The following TSPAN9 variants were observed in gnomAD, a reference collection of about 807,000 sequenced individuals.
TSPAN9 encodes the protein tetraspanin-9.
A neutral mutation model predicts 31.0 loss-of-function variants in TSPAN9; 16 were observed. The ratio of observed to expected loss-of-function variants is 0.52; its 90% CI spans 0.35 to 0.78. The LOEUF is 0.78. TSPAN9 is among the 30% of genes least tolerant of loss of function. TSPAN9 has a pLI of 0.01. For synonymous variants in TSPAN9, 145 were observed against 121.6 expected (o/e 1.19, Z -1.27); for missense variants, 272 against 312.5 (o/e 0.87, Z 0.98).
At chr12:3,209,312 G>A (rs2098377104) in intron 3 of TSPAN9, among the ~76,000 whole-genome samples, 1 of 152,152 alleles carries the variant, frequency 6.6e-6, no homozygotes, top group African/African-American at 2.4e-5. Flanking sequence ...CGTGGCCATA[G>A]TGCACACCTT....
At chr12:3,144,553 G>C (rs1195827989) in intron 2 of TSPAN9, among the ~76,000 whole-genome samples, 1 of 152,216 alleles carries the variant, frequency 6.6e-6, no homozygotes, top group African/African-American at 2.4e-5. Flanking sequence ...AGGCTGCAGA[G>C]GGAGCCTCTG....
intron 2 of TSPAN9, among the ~76,000 whole-genome samples, chr12:3,106,600 GTC>G (rs2098314806): frequency 1.3e-5 from 2 of 152,036 alleles, no homozygotes; most frequent in African/African-American, 4.8e-5. Context: ...TGAGAACCCT[GTC>G]TCTGCAAAAA....
At chr12:3,157,970 T>A (rs527970168) in intron 2 of TSPAN9, among the ~76,000 whole-genome samples, 81 of 152,194 alleles carry the variant, frequency 5.3e-4, no homozygotes, top group African/African-American at 1.9e-3. Flanking sequence ...CATTGTGTCT[T>A]TCTCCCCTTT....
chr12:3,283,128 G>GGGA lies in TSPAN9; in HGVS notation c.*14_*16dup. On this transcript the variant is annotated 3_prime_UTR_variant, in exon 9 of 9. Transcript: ENST00000011898. ...AGTACGACGCATGAGCGGGCTGGCC[G>GGGA]GGAGTGCCCACCCCGCCCTGCTGCC... 2 of 1,606,544 alleles carry GGGA rather than the reference G, an allele frequency of 1.2e-6. No individual in the cohort carries two copies. The highest frequency in any genetic ancestry group is 1.7e-6 in the Non-Finnish European group (2 of 1,179,742).
At chr12:3,282,955 G>A in intron 8 of TSPAN9, 90 bp from the exon 9 acceptor site, 1 of 1,338,136 alleles carries the variant, frequency 7.5e-7, no homozygotes, top group Non-Finnish European at 1.1e-6. Flanking sequence ...GCTTGCTCTA[G>A]GTGCCCTGTG....
intron 3 of TSPAN9, among the ~76,000 whole-genome samples, chr12:3,269,973 T>C (rs73048933): frequency 0.042 from 6,452 of 152,356 alleles, 182 homozygotes; most frequent in Non-Finnish European, 0.063. Context: ...GACTGGTGAA[T>C]GATCACTCCT....
intron 3 of TSPAN9, among the ~76,000 whole-genome samples, chr12:3,212,825 C>G (rs920637194): frequency 2.6e-5 from 4 of 152,164 alleles, no homozygotes; most frequent in Non-Finnish European, 4.4e-5. Flanking sequence ...GTCTTCTGAT[C>G]AGAACAGGGT....
chr12:3,220,488 G>T (rs2098383855), intron 3 of TSPAN9, among the ~76,000 whole-genome samples: 2 of 152,340 alleles, frequency 1.3e-5, no homozygotes, highest in South Asian at 2.1e-4. Flanking sequence ...GCACAGCATA[G>T]CTCACAAATA....
intron 2 of TSPAN9, among the ~76,000 whole-genome samples, chr12:3,183,898 G>A (rs1394008582): frequency 6.6e-6 from 1 of 152,132 alleles, no homozygotes; most frequent in Non-Finnish European, 1.5e-5. Flanking sequence ...TGACTTCCTA[G>A]GGCTTTTGTG....
intron 3 of TSPAN9, among the ~76,000 whole-genome samples, chr12:3,221,681 G>T (rs986827670): frequency 1.3e-5 from 2 of 151,254 alleles, no homozygotes; most frequent in African/African-American, 4.9e-5. Context: ...TTTGAGATAG[G>T]GTCTCACTCT....
intron 3 of TSPAN9, among the ~76,000 whole-genome samples, chr12:3,232,931 T>C (rs892836727): frequency 1.3e-5 from 2 of 152,260 alleles, no homozygotes; most frequent in Admixed American, 6.5e-5. Flanking sequence ...AAGATTTTCC[T>C]TTCCCTACTT....
chr12:3,098,508 G>T (rs968385526), intron 2 of TSPAN9, among the ~76,000 whole-genome samples: 9 of 152,250 alleles, frequency 5.9e-5, no homozygotes, highest in African/African-American at 2.2e-4. Flanking sequence ...TTCATCCTTG[G>T]CCTGCAAGGG....
chr12:3,118,502 C>A (rs1393658668), intron 2 of TSPAN9, among the ~76,000 whole-genome samples: 2 of 152,004 alleles, frequency 1.3e-5, no homozygotes, highest in Non-Finnish European at 2.9e-5. Flanking sequence ...CTCAGATGAT[C>A]CGACCGCCTT....
At chr12:3,255,875 G>A (rs1862335792) in intron 3 of TSPAN9, among the ~76,000 whole-genome samples, 1 of 152,204 alleles carries the variant, frequency 6.6e-6, no homozygotes. Context: ...TAGATCGTGT[G>A]GCAACAAGCT....
chr12:3,153,337 C>G (rs1479949047), intron 2 of TSPAN9, among the ~76,000 whole-genome samples: 1 of 152,150 alleles, frequency 6.6e-6, no homozygotes, highest in Non-Finnish European at 1.5e-5. Context: ...ACCTGACAAA[C>G]CTGCCATCAT....
intron 2 of TSPAN9, among the ~76,000 whole-genome samples, chr12:3,112,583 T>G (rs559827886): frequency 7.9e-5 from 12 of 151,330 alleles, no homozygotes; most frequent in African/African-American, 2.9e-4. Flanking sequence ...ATTAAATTAT[T>G]TCTCTTTTTA....
rs1256328481 is a variant in TSPAN9, at chr12:3,280,408, G to A, written c.357G>A (p.Leu119=). The stretch of plus-strand genomic sequence containing the variant: ...TGAACGAGAACGCCAAGAAGGACCT[G>A]AAGGAAGGCCTGCTGCTGTACCACA... ...DKVNENAKKD[L]KEGLLLYHTE... is the part of the protein sequence containing the mutation. Residue 119 remains leucine (L), a synonymous_variant, in exon 6 of 9, where the codon CTG becomes CTA. Transcript: ENST00000011898. This position sits in a 1 kb window ranked among gnomAD's most constrained non-coding sequence, Gnocchi z 4.5. 1.2e-6 allele frequency: 2 copies of A among 1,613,404 alleles called. No homozygotes were observed. The highest frequency in any genetic ancestry group is 4.5e-5 in the East Asian group (2 of 44,876).
At chr12:3,224,773 G>A (rs1050446622) in intron 3 of TSPAN9, among the ~76,000 whole-genome samples, 4 of 152,338 alleles carry the variant, frequency 2.6e-5, no homozygotes, top group Admixed American at 2.6e-4. Flanking sequence ...GTCAGCACGG[G>A]CCCCCTGACA....
At chr12:3,226,682 GTGTGTGTGTGTGTGTGTGTGTGTGTA>G (rs1565622213) in intron 3 of TSPAN9, among the ~76,000 whole-genome samples, 4 of 35,302 alleles carry the variant, frequency 1.1e-4, no homozygotes, top group African/African-American at 2.9e-4. Flanking sequence ...GTGTGTGTGT[GTGTGTGTGTGTGTGTGTGTGTGTGTA>G]TGTGTATGTA....
Sources: allele counts gnomAD v4.1 joint callset (sites outside exome capture counted in the v4.1 genomes callset), GRCh38; gene constraint gnomAD v4.1.1; non-coding constraint Gnocchi (gnomAD v3.1); transcripts MANE v1.5; gene names NCBI Gene and HGNC (gene_info 2026-07-23, HGNC 2026-07-21).